The following EGFR variants were observed in gnomAD, a reference collection of about 807,000 sequenced individuals.
The protein encoded by EGFR is avian erythroblastic leukemia viral (v-erb-b) oncogene homolog.
In EGFR, 58 loss-of-function variants were observed where a neutral mutation model predicts 143.0. The ratio of observed to expected loss-of-function variants is 0.41; its 90% CI spans 0.33 to 0.50. EGFR has a LOEUF of 0.50. Among genes scored for constraint, EGFR ranks in the 20% least tolerant of loss-of-function variants. The pLI, the probability that EGFR is intolerant of heterozygous loss-of-function variation, is 0.39. For missense variants in EGFR, 1,307 were observed against 1,579.0 expected (o/e 0.83, Z 2.92); for synonymous variants, 613 against 594.4 (o/e 1.03, Z -0.45).
At chr7:55,043,063 G>C (rs1022976536) in intron 1 of EGFR, among the ~76,000 whole-genome samples, 1 of 152,012 alleles carries the variant, frequency 6.6e-6, no homozygotes, top group Non-Finnish European at 1.5e-5. Context: ...TTTAATGACT[G>C]TCTGCTATGT....
At chr7:55,067,540 C>T (rs908846476) in intron 1 of EGFR, among the ~76,000 whole-genome samples, 12 of 151,400 alleles carry the variant, frequency 7.9e-5, no homozygotes, top group African/African-American at 2.7e-4. Flanking sequence ...GTAAAATACA[C>T]GTAAGATTTA....
At chr7:55,096,926 A>G (rs896130118) in intron 1 of EGFR, among the ~76,000 whole-genome samples, 2 of 152,120 alleles carry the variant, frequency 1.3e-5, no homozygotes, top group Non-Finnish European at 2.9e-5. Flanking sequence ...ATGCAGCTAC[A>G]GTAGTGGAAT....
At chr7:55,178,399 A>T (rs559848283) in intron 19 of EGFR, among the ~76,000 whole-genome samples, 2 of 152,342 alleles carry the variant, frequency 1.3e-5, no homozygotes, top group African/African-American at 4.8e-5. Context: ...TGTGTCTCCC[A>T]CGTCTAAAGT....
At chr7:55,140,561 A>C (rs1794403119) in intron 1 of EGFR, among the ~76,000 whole-genome samples, 1 of 152,218 alleles carries the variant, frequency 6.6e-6, no homozygotes, top group Non-Finnish European at 1.5e-5. Flanking sequence ...AGAATTGGGA[A>C]ATCAGTTTAG....
intron 1 of EGFR, among the ~76,000 whole-genome samples, chr7:55,137,176 G>A (rs1289723940): frequency 2.0e-5 from 3 of 152,116 alleles, no homozygotes; most frequent in Non-Finnish European, 2.9e-5. Flanking sequence ...AGCGTACCTC[G>A]AAGATGCAAA....
chr7:55,139,905 C>T (rs1794364386), intron 1 of EGFR, among the ~76,000 whole-genome samples: 1 of 152,034 alleles, frequency 6.6e-6, no homozygotes, highest in Admixed American at 6.5e-5. Flanking sequence ...CTCCCAAATA[C>T]AGGATCTTTT....
chr7:55,105,541 G>T (rs532987850), intron 1 of EGFR, among the ~76,000 whole-genome samples: 2 of 152,298 alleles, frequency 1.3e-5, no homozygotes, highest in African/African-American at 4.8e-5. Flanking sequence ...GACACTAATT[G>T]TTTCCCTCCT....
intron 1 of EGFR, among the ~76,000 whole-genome samples, chr7:55,075,576 T>G (rs933916064): frequency 6.6e-6 from 1 of 152,142 alleles, no homozygotes; most frequent in East Asian, 1.9e-4. Context: ...TCCTGAAACT[T>G]GGAGACACAT....
In EGFR at chr7:55,029,338, T is replaced by C. The variant is rs1320456963; in HGVS notation, c.88+9973T>C. On this transcript the variant is annotated intron_variant, in intron 1 of 27. Coordinates refer to ENST00000275493, the MANE Select transcript of EGFR (RefSeq NM_005228.5). ...TATAGATGTTTCTTGATTTTTTTAATTTCTGGTGACATTTATGAGTGAGAA... is the reference window on the plus strand; with the variant it reads ...TATAGATGTTTCTTGATTTTTTTAACTTCTGGTGACATTTATGAGTGAGAA... 9.2e-5 allele frequency among the ~76,000 whole-genome samples: 14 copies of C among 152,224 alleles called. 1 individual carries two copies. The highest frequency in any genetic ancestry group is 9.2e-4 in the Admixed American group (14 of 15,284).
intron 17 of EGFR, 126 bp from the exon 18 acceptor site, chr7:55,173,789 GGCAAGT>G: frequency 7.1e-7 from 1 of 1,406,206 alleles, no homozygotes; most frequent in Non-Finnish European, 1.0e-6. Context: ...CAAATGAGCT[GGCAAGT>G]GCCGTGTCCT....
chr7:55,189,235 C>T (rs575601948), intron 20 of EGFR, among the ~76,000 whole-genome samples: 1 of 152,256 alleles, frequency 6.6e-6, no homozygotes, highest in African/African-American at 2.4e-5. Context: ...AAGCCATGGT[C>T]CCAGTAGTGG....
rs186685397 is a variant in EGFR at position 55,121,901 on chromosome 7, C to T, written c.89-20385C>T. 3.2e-3 allele frequency among the ~76,000 whole-genome samples: 489 copies of T among 152,318 alleles called. 1 individual carries two copies. The highest frequency in any genetic ancestry group is 3.9e-3 in the Non-Finnish European group (262 of 68,034). On this transcript the variant is annotated intron_variant, in intron 1 of 27. Coordinates refer to ENST00000275493, the MANE Select transcript of EGFR (RefSeq NM_005228.5). ...GAAGCTGTCCCATGTGGGGCCTGTT[C>T]TTCAAAGGCAGTTCCCTGCTGCCCA...
chr7:55,054,332 G>A (rs1029242345), intron 1 of EGFR, among the ~76,000 whole-genome samples: 4 of 152,200 alleles, frequency 2.6e-5, no homozygotes, highest in African/African-American at 9.7e-5. Flanking sequence ...CTCCCTTTGG[G>A]ATATGCAGCA....
chr7:55,159,013 GC>G (rs1316118735), intron 11 of EGFR, among the ~76,000 whole-genome samples: 2 of 152,184 alleles, frequency 1.3e-5, no homozygotes, highest in Non-Finnish European at 2.9e-5. Flanking sequence ...AGCTGGCCCA[GC>G]CCCCAGCCTG....
intron 4 of EGFR, among the ~76,000 whole-genome samples, chr7:55,147,760 T>C (rs903626112): frequency 2.9e-4 from 44 of 152,338 alleles, no homozygotes; most frequent in African/African-American, 1.0e-3. Flanking sequence ...CTCTACCCAT[T>C]AGACAGTAAC....
chr7:55,160,370 G>A (rs2128941835), intron 12 of EGFR, 32 bp downstream of exon 12: 1 of 1,606,610 alleles, frequency 6.2e-7, no homozygotes, highest in Non-Finnish European at 8.5e-7. Flanking sequence ...AGTTTATGGA[G>A]TTGGTTCTAA....
chr7:55,137,781 T>C (rs910996834), intron 1 of EGFR, among the ~76,000 whole-genome samples: 8 of 152,152 alleles, frequency 5.3e-5, no homozygotes, highest in Non-Finnish European at 8.8e-5. Context: ...AAAGCTATTC[T>C]GTAGTGAAAA....
At chr7:55,143,191 C>T (rs1032828018) in intron 2 of EGFR, 114 bp from the exon 3 acceptor site, 4 of 1,037,726 alleles carry the variant, frequency 3.9e-6, no homozygotes, top group Non-Finnish European at 5.9e-6. Context: ...TTGTTGAGCA[C>T]TCGTGTGCAT....
chr7:55,030,241 T>A lies in EGFR; in HGVS notation c.88+10876T>A, dbSNP rs183905665. Among the ~76,000 whole-genome samples, 16 of 152,362 alleles carry A rather than the reference T, an allele frequency of 1.1e-4. No homozygotes were observed. The East Asian group carries it at 3.1e-3, about 29-fold the overall frequency. On this transcript the variant is annotated intron_variant, in intron 1 of 27. Transcript: ENST00000275493. Reference sequence around the variant, plus strand: ...TTAGCTATGGATGCCCCATCACTTTTAGTTCTATTTGTGAATCAAAGGCTA... The same window carrying A: ...TTAGCTATGGATGCCCCATCACTTTAAGTTCTATTTGTGAATCAAAGGCTA...
Sources: allele counts gnomAD v4.1 joint callset (sites outside exome capture counted in the v4.1 genomes callset), GRCh38; gene constraint gnomAD v4.1.1; transcripts MANE v1.5; gene names NCBI Gene and HGNC (gene_info 2026-07-23, HGNC 2026-07-21).